THSD7B: variants seen among roughly 807,000 people sequenced by gnomAD.
THSD7B encodes thrombospondin type-1 domain-containing protein 7B.
In THSD7B, 138 loss-of-function variants were observed where a neutral mutation model predicts 213.6. That is an observed-to-expected ratio of 0.65 (90% CI 0.56 to 0.74). The LOEUF (loss-of-function observed/expected upper bound fraction) is 0.74. THSD7B is among the 30% of genes least tolerant of loss of function. The pLI, the probability that THSD7B is intolerant of heterozygous loss-of-function variation, is 0.00. For synonymous variants in THSD7B, 742 were observed against 687.0 expected, an observed-to-expected ratio of 1.08 and a Z score of -1.25; for missense variants, 1,931 against 1,991.5, an observed-to-expected ratio of 0.97 and a Z score of 0.58.
intron 6 of THSD7B, among the ~76,000 whole-genome samples, chr2:137,165,876 G>A (rs1335660408): frequency 6.6e-6 from 1 of 151,994 alleles, no homozygotes; most frequent in Non-Finnish European, 1.5e-5. Context: ...GAGAGTAGGA[G>A]AGAATATCAT....
chr2:137,179,251 A>G (rs563046869), intron 7 of THSD7B, among the ~76,000 whole-genome samples: 2 of 152,184 alleles, frequency 1.3e-5, no homozygotes, highest in Admixed American at 6.6e-5. Flanking sequence ...TCTATTCCCT[A>G]TTGTATTCCA....
intron 17 of THSD7B, 26 bp downstream of exon 17, chr2:137,572,582 T>C (rs1359929481): frequency 1.2e-6 from 2 of 1,612,586 alleles, no homozygotes; most frequent in Non-Finnish European, 1.7e-6. Context: ...TTGTCAATGC[T>C]CTGATAATCT....
Position 137,524,591 on chromosome 2 carries a change from A to G in THSD7B, c.3139-38630A>G, listed in dbSNP as rs546931843. 2.9e-3 allele frequency among the ~76,000 whole-genome samples: 439 copies of G among 152,316 alleles called. 2 individuals are homozygous for G. The highest frequency in any genetic ancestry group is 4.3e-3 in the Non-Finnish European group (293 of 68,020). Reference sequence around the variant, plus strand: ...CTGCCGTGAATAAATGTTGGAAAAGAAAGAGTCCCAACTCTGAAGGAACTT... The same window carrying G: ...CTGCCGTGAATAAATGTTGGAAAAGGAAGAGTCCCAACTCTGAAGGAACTT... On this transcript the variant is annotated intron_variant, in intron 15 of 27. Coordinates refer to ENST00000409968, the MANE Select transcript of THSD7B (RefSeq NM_001316349.2).
rs1687942667 is a variant in THSD7B at position 137,091,206 on chromosome 2, CTTA to C, written c.951-3662_951-3660del. On this transcript the variant is annotated intron_variant, in intron 3 of 27. Transcript: ENST00000409968. ...CTGCACATGCTCTTACTGTTGGAGA[CTTA>C]TTATCTGTTCTGCTGGTCCAGGAGG... Among the ~76,000 whole-genome samples, 5 of 152,270 alleles carry C rather than the reference CTTA, an allele frequency of 3.3e-5. No homozygotes were observed. The South Asian group carries it at 6.2e-4, about 19-fold the overall frequency.
chr2:136,825,718 A>ATTTTTTTTTTTTTTTGTTTTTT (rs1682635785), intron 1 of THSD7B, among the ~76,000 whole-genome samples: 5 of 116,898 alleles, frequency 4.3e-5, no homozygotes, highest in South Asian at 3.1e-4. Flanking sequence ...TGCCTGGCTA[A>ATTTTTTTTTTTTTTTGTTTTTT]TTTTTTTTTT....
At chr2:137,217,049 C>T (rs148281462) in intron 7 of THSD7B, among the ~76,000 whole-genome samples, 30 of 152,150 alleles carry the variant, frequency 2.0e-4, no homozygotes, top group Non-Finnish European at 3.4e-4. Context: ...TTCCTTTTGA[C>T]ATGGTCATCC....
intron 14 of THSD7B, among the ~76,000 whole-genome samples, chr2:137,444,798 C>T (rs1470537890): frequency 6.6e-6 from 1 of 151,808 alleles, no homozygotes; most frequent in Non-Finnish European, 1.5e-5. Context: ...AGTTTCTGCA[C>T]AGTAAAGGAA....
intron 10 of THSD7B, among the ~76,000 whole-genome samples, chr2:137,265,817 A>G (rs973939824): frequency 6.6e-6 from 1 of 152,220 alleles, no homozygotes; most frequent in Non-Finnish European, 1.5e-5. Flanking sequence ...GACATTTATG[A>G]GAGTGAATGG....
chr2:137,419,131 C>T (rs1386351991), intron 14 of THSD7B, among the ~76,000 whole-genome samples: 1 of 151,872 alleles, frequency 6.6e-6, no homozygotes, highest in Non-Finnish European at 1.5e-5. Context: ...TGGTCTTGAA[C>T]TCCTGACCTC....
Position 137,615,823 on chromosome 2 carries a change from A to T in THSD7B, c.3424-352A>T, listed in dbSNP as rs141821956. Among the ~76,000 whole-genome samples the T allele has an allele frequency of 6.3e-3, 914 of 144,590 alleles. 8 individuals carry two copies. The highest frequency in any genetic ancestry group is 0.021 in the African/African-American group (859 of 40,328). 94.9% of individuals were successfully genotyped at this position (144,590 alleles called of 152,430 possible). A position where few individuals can be genotyped will look rare whatever the true frequency, so the allele number is the denominator to read the frequency against. ...ACAGGGCAGTTTCTTCCTTTTTTTA[A>T]AAAAAAAAGCATTTAAACATTCAAA... On this transcript the variant is annotated intron_variant, in intron 17 of 27. Transcript: ENST00000409968.
chr2:136,888,369 A>T (rs995964293), intron 2 of THSD7B, among the ~76,000 whole-genome samples: 2 of 152,142 alleles, frequency 1.3e-5, no homozygotes, highest in African/African-American at 4.8e-5. Context: ...ATTAATATTT[A>T]GTTATAGCTT....
chr2:137,160,977 C>A (rs184132191), intron 6 of THSD7B, among the ~76,000 whole-genome samples: 4 of 152,084 alleles, frequency 2.6e-5, no homozygotes, highest in African/African-American at 9.7e-5. Flanking sequence ...ATGATTTCCA[C>A]GCTCACATCT....
chr2:137,525,198 T>C (rs1013712984), intron 15 of THSD7B, among the ~76,000 whole-genome samples: 2 of 152,178 alleles, frequency 1.3e-5, no homozygotes, highest in African/African-American at 4.8e-5. Context: ...TCAAAACAGA[T>C]GGTGTCTGAT....
At chr2:137,590,683 T>C (rs1681843645) in intron 17 of THSD7B, among the ~76,000 whole-genome samples, 1 of 152,234 alleles carries the variant, frequency 6.6e-6, no homozygotes. Context: ...ATTTCTATAA[T>C]TGACAATGAT....
chr2:137,555,597 A>G (rs1680944186), intron 15 of THSD7B, among the ~76,000 whole-genome samples: 1 of 152,142 alleles, frequency 6.6e-6, no homozygotes, highest in Non-Finnish European at 1.5e-5. Flanking sequence ...TGGGGAAAAA[A>G]CAGAGCAGAA....
At chr2:137,396,469 C>T (rs540344805) in intron 12 of THSD7B, among the ~76,000 whole-genome samples, 13,053 of 146,044 alleles carry the variant, frequency 0.089, 713 homozygotes, top group Middle Eastern at 0.16. Flanking sequence ...TGTAGTTGAG[C>T]GGTTTTGAGT....
At chr2:137,251,578 C>T (rs900190351) in intron 10 of THSD7B, among the ~76,000 whole-genome samples, 2 of 152,116 alleles carry the variant, frequency 1.3e-5, no homozygotes, top group African/African-American at 4.8e-5. Context: ...TTGATAAAAA[C>T]CCAAGGCCAT....
intron 15 of THSD7B, among the ~76,000 whole-genome samples, chr2:137,474,998 T>A (rs141310718): frequency 1.5e-4 from 23 of 152,308 alleles, no homozygotes; most frequent in African/African-American, 5.1e-4. Context: ...TAGGACTGGG[T>A]ATTCTTGTAC....
At chr2:137,111,531 C>T (rs1420241615) in intron 4 of THSD7B, among the ~76,000 whole-genome samples, 1 of 152,150 alleles carries the variant, frequency 6.6e-6, no homozygotes, top group Non-Finnish European at 1.5e-5. Flanking sequence ...TATGCCAATT[C>T]TGCCATCTGT....
Sources: allele counts gnomAD v4.1 joint callset (sites outside exome capture counted in the v4.1 genomes callset), GRCh38; gene constraint gnomAD v4.1.1; transcripts MANE v1.5; gene names NCBI Gene and HGNC (gene_info 2026-07-23, HGNC 2026-07-21).